Variants in SYT16 observed in about 807,000 individuals in gnomAD.
SYT16 encodes synaptotagmin-16.
SYT16 carries 42 observed loss-of-function variants against 61.4 expected under a neutral mutation model. The observed-to-expected ratio is 0.68, with a 90% CI of 0.53 to 0.89. The LOEUF (loss-of-function observed/expected upper bound fraction) is 0.89, where lower values mean the gene tolerates loss of function less well. SYT16 is among the 40% of genes least tolerant of loss of function. The pLI is 0.00. For missense variants in SYT16, 804 were observed against 807.3 expected (o/e 1.00, Z 0.05); for synonymous variants, 314 against 302.3 (o/e 1.04, Z -0.40).
intron 2 of SYT16, among the ~76,000 whole-genome samples, chr14:61,982,369 G>T (rs1300516027): frequency 2.0e-5 from 3 of 152,096 alleles, no homozygotes; most frequent in African/African-American, 7.2e-5. Flanking sequence ...CATGTGACTG[G>T]GGAGGCCTCA....
intron 7 of SYT16, among the ~76,000 whole-genome samples, chr14:62,096,252 A>G (rs1380849905): frequency 6.6e-6 from 1 of 152,084 alleles, no homozygotes; most frequent in East Asian, 1.9e-4. Flanking sequence ...GCAACTGACT[A>G]TAAATGAAGC....
intron 3 of SYT16, among the ~76,000 whole-genome samples, chr14:62,030,746 T>C (rs962219360): frequency 5.3e-5 from 8 of 152,234 alleles, no homozygotes; most frequent in Admixed American, 1.3e-4. Flanking sequence ...TTATCATTGA[T>C]TGAATTCAAG....
intron 1 of SYT16, among the ~76,000 whole-genome samples, chr14:61,920,056 G>GCC (rs2049271832): frequency 6.6e-6 from 1 of 151,982 alleles, no homozygotes; most frequent in Non-Finnish European, 1.5e-5. Context: ...CATGCTCCAG[G>GCC]CCCCCCGACA....
chr14:62,001,576 G>A (rs2053017188), intron 3 of SYT16, among the ~76,000 whole-genome samples: 1 of 151,308 alleles, frequency 6.6e-6, no homozygotes, highest in Non-Finnish European at 1.5e-5. Flanking sequence ...TGTATGTTTT[G>A]GTATTTGTTT....
intron 1 of SYT16, among the ~76,000 whole-genome samples, chr14:61,907,304 A>G (rs1011114858): frequency 6.6e-6 from 1 of 152,222 alleles, no homozygotes; most frequent in Non-Finnish European, 1.5e-5. Flanking sequence ...ACTAGAGATG[A>G]CGTTCTTATG....
At chr14:61,858,120 C>CAAAAAAAAAAAAAAAAAA (rs34781118) in intron 1 of SYT16, among the ~76,000 whole-genome samples, 1 of 43,228 alleles carries the variant, frequency 2.3e-5, no homozygotes, top group Non-Finnish European at 5.5e-5. Context: ...CACAGCTTGG[C>CAAAAAAAAAAAAAAAAAA]AAAAAAAAAA....
At chr14:61,904,929 G>A (rs2048648382) in intron 1 of SYT16, among the ~76,000 whole-genome samples, 1 of 152,222 alleles carries the variant, frequency 6.6e-6, no homozygotes, top group South Asian at 2.1e-4. Flanking sequence ...AGATCATTAA[G>A]ATTCACTCAA....
intron 1 of SYT16, among the ~76,000 whole-genome samples, chr14:61,966,621 A>G (rs557779172): frequency 1.3e-5 from 2 of 152,160 alleles, no homozygotes; most frequent in Non-Finnish European, 2.9e-5. Context: ...ATCTTTTTCC[A>G]TATTTTGCAG....
intron 3 of SYT16, among the ~76,000 whole-genome samples, chr14:62,011,920 C>CATATATATATATATATATATAT (rs1165099592): frequency 3.8e-4 from 40 of 104,632 alleles, no homozygotes; most frequent in African/African-American, 1.6e-3. Context: ...TATACACACA[C>CATATATATATATATATATATAT]ACACACATAT....
chr14:62,065,713 C>G (rs2056033757), intron 3 of SYT16, among the ~76,000 whole-genome samples: 1 of 152,148 alleles, frequency 6.6e-6, no homozygotes, highest in Non-Finnish European at 1.5e-5. Flanking sequence ...CCCTCACATT[C>G]ATGTATCTCC....
At chr14:61,814,533 A>G (rs2045368018) in intron 1 of SYT16, among the ~76,000 whole-genome samples, 1 of 152,176 alleles carries the variant, frequency 6.6e-6, no homozygotes, top group African/African-American at 2.4e-5. Flanking sequence ...TTCCATACCA[A>G]TTTATTTAGA....
chr14:62,036,988 C>T (rs2054535249), intron 3 of SYT16, among the ~76,000 whole-genome samples: 1 of 152,168 alleles, frequency 6.6e-6, no homozygotes, highest in East Asian at 1.9e-4. Flanking sequence ...GCTGTGTTGT[C>T]ATGGAGGACA....
intron 3 of SYT16, among the ~76,000 whole-genome samples, chr14:62,010,212 A>G (rs866789752): frequency 2.6e-4 from 39 of 152,242 alleles, no homozygotes; most frequent in African/African-American, 8.7e-4. Flanking sequence ...TGAAGCAGAC[A>G]TCTATGTCTT....
intron 3 of SYT16, among the ~76,000 whole-genome samples, chr14:62,003,453 G>T (rs2053102253): frequency 6.6e-6 from 1 of 151,786 alleles, no homozygotes; most frequent in South Asian, 2.1e-4. Context: ...TATGAATCTA[G>T]TATCTGCCCC....
intron 1 of SYT16, among the ~76,000 whole-genome samples, chr14:61,951,456 C>T (rs1206537934): frequency 6.6e-6 from 1 of 152,186 alleles, no homozygotes; most frequent in Non-Finnish European, 1.5e-5. Flanking sequence ...GTTTTAGTCT[C>T]ACTGTGTGGG....
chr14:61,854,896 C>T (rs997477240), intron 1 of SYT16, among the ~76,000 whole-genome samples: 1 of 152,000 alleles, frequency 6.6e-6, no homozygotes, highest in Admixed American at 6.6e-5. Flanking sequence ...AATATTTCCA[C>T]CACTCCCACC....
intron 1 of SYT16, chr14:61,865,184 T>G (rs2047107560): frequency 1.7e-6 from 2 of 1,161,790 alleles, no homozygotes; most frequent in South Asian, 1.2e-5. Context: ...GGATCGTGTT[T>G]CTGTCACTGA....
intron 1 of SYT16, among the ~76,000 whole-genome samples, chr14:61,925,806 T>C (rs904326764): frequency 3.9e-5 from 6 of 152,224 alleles, no homozygotes; most frequent in African/African-American, 1.4e-4. Context: ...GGAAGAATTA[T>C]CTGAAAGCTG....
intron 2 of SYT16, among the ~76,000 whole-genome samples, chr14:61,977,339 A>G (rs996393473): frequency 6.6e-6 from 1 of 152,214 alleles, no homozygotes; most frequent in Non-Finnish European, 1.5e-5. Flanking sequence ...TCATACTGCT[A>G]TAAAGGACTG....
Sources: gnomAD v4.1 joint callset for allele counts (sites outside exome capture counted in the v4.1 genomes callset) on GRCh38, gnomAD v4.1.1 for gene constraint, MANE v1.5 for transcripts, NCBI Gene and HGNC (gene_info 2026-07-23, HGNC 2026-07-21) for gene names.